The following SBF2 variants were observed in gnomAD, a reference collection of about 807,000 sequenced individuals.
SBF2 encodes myotubularin-related protein 13.
A neutral mutation model predicts 225.2 loss-of-function variants in SBF2; 112 were observed. The observed-to-expected ratio is 0.50, with a 90% CI of 0.43 to 0.58. The LOEUF (loss-of-function observed/expected upper bound fraction) is 0.58. SBF2 is among the 20% of genes least tolerant of loss of function. The probability of loss-of-function intolerance (pLI) is 0.00; values close to 1 mark genes in which losing one functional copy is unlikely to be tolerated. For missense variants in SBF2, 1,996 were observed against 2,206.2 expected (o/e 0.90, Z 1.91); for synonymous variants, 763 against 773.3 (o/e 0.99, Z 0.22).
intron 1 of SBF2, among the ~76,000 whole-genome samples, chr11:10,241,402 T>C (rs998346260): frequency 2.0e-5 from 3 of 152,072 alleles, no homozygotes; most frequent in Non-Finnish European, 4.4e-5. Flanking sequence ...TAAAAATTCA[T>C]CCAAGGAACT....
chr11:9,954,253 A>G (rs1349016739), intron 16 of SBF2, among the ~76,000 whole-genome samples: 1 of 152,230 alleles, frequency 6.6e-6, no homozygotes, highest in African/African-American at 2.4e-5. Context: ...AAAAATTACC[A>G]AAGTTTTTGA....
intron 1 of SBF2, among the ~76,000 whole-genome samples, chr11:10,222,854 C>T (rs142697595): frequency 2.6e-3 from 399 of 152,228 alleles, no homozygotes; most frequent in African/African-American, 8.6e-3. Context: ...GCTTAGCATT[C>T]CAATAATGGA....
intron 8 of SBF2, among the ~76,000 whole-genome samples, chr11:10,000,101 G>C (rs1221719337): frequency 2.0e-5 from 3 of 152,108 alleles, no homozygotes. Flanking sequence ...TCCATAACCA[G>C]GCAGTTCTAA....
intron 16 of SBF2, among the ~76,000 whole-genome samples, chr11:9,925,691 G>A (rs1222510335): frequency 1.3e-5 from 2 of 152,160 alleles, no homozygotes; most frequent in East Asian, 3.8e-4. Flanking sequence ...GTCGAATCTA[G>A]TTCCACATGT....
intron 17 of SBF2, among the ~76,000 whole-genome samples, chr11:9,873,444 A>C (rs989661045): frequency 1.3e-5 from 2 of 152,170 alleles, no homozygotes; most frequent in Non-Finnish European, 1.5e-5. Flanking sequence ...CATGAAAGTA[A>C]GAAGATCCAC....
At position 10,043,179 on chromosome 11, in the gene SBF2, T is replaced by G. The variant is rs571857526; in HGVS notation, c.142-198A>C. 2.7e-4 allele frequency among the ~76,000 whole-genome samples: 41 copies of G among 152,274 alleles called. 1 individual carries two copies. The highest frequency in any genetic ancestry group is 3.4e-3 in the Middle Eastern group (1 of 294). Reference sequence around the variant, plus strand: ...TTCACCAATGTGCATATATATTTCATGAAGATAGCCTCGATTTCCCACAGT... The same window carrying G: ...TTCACCAATGTGCATATATATTTCAGGAAGATAGCCTCGATTTCCCACAGT... On this transcript the variant is annotated intron_variant, in intron 2 of 39. Transcript: ENST00000256190.
chr11:9,873,635 T>C (rs1029670863), intron 17 of SBF2, among the ~76,000 whole-genome samples: 1 of 152,226 alleles, frequency 6.6e-6, no homozygotes, highest in African/African-American at 2.4e-5. Flanking sequence ...GGGATCTGCA[T>C]GAGCAGTGAG....
At chr11:10,239,772 G>A (rs898709153) in intron 1 of SBF2, among the ~76,000 whole-genome samples, 1 of 152,054 alleles carries the variant, frequency 6.6e-6, no homozygotes, top group Non-Finnish European at 1.5e-5. Context: ...TAAACCTAAT[G>A]GTAAATATAG....
intron 2 of SBF2, among the ~76,000 whole-genome samples, chr11:10,185,510 G>A (rs1956901752): frequency 6.6e-6 from 1 of 152,006 alleles, no homozygotes; most frequent in Non-Finnish European, 1.5e-5. Flanking sequence ...TGGAGTTGCA[G>A]TGGTGCAAAT....
chr11:10,183,548 C>T (rs901508531), intron 2 of SBF2, among the ~76,000 whole-genome samples: 20 of 151,172 alleles, frequency 1.3e-4, no homozygotes, highest in African/African-American at 4.6e-4. Context: ...ATAGTGTTAG[C>T]TTTTACATTT....
At chr11:10,135,872 T>C (rs1215403453) in intron 2 of SBF2, among the ~76,000 whole-genome samples, 1 of 152,168 alleles carries the variant, frequency 6.6e-6, no homozygotes, top group Non-Finnish European at 1.5e-5. Context: ...GTTCCAAAGT[T>C]GCTTCCACAT....
rs2134636403 is a variant in SBF2, at chr11:10,031,107, C to T, written c.343G>A (p.Val115Met). Reference sequence around the variant, plus strand: ...AACACCAGGCTTTTGGGAGCAAACACTTCTGCAGGCTGAATTAAACCAGAC... The same window carrying T: ...AACACCAGGCTTTTGGGAGCAAACATTTCTGCAGGCTGAATTAAACCAGAC... ...KVSGLIQPAE[V>M]FAPKSLVLVS... The change falls in exon 4 of 40, where the codon GTG becomes ATG. Residue 115 changes from valine to methionine, a missense_variant. Val to Met is a conservative substitution (Grantham distance 21). Transcript: ENST00000256190. The T allele has an allele frequency of 1.2e-6, 2 of 1,613,634 alleles. No homozygotes were observed. Among genetic ancestry groups the T allele is most frequent in the Middle Eastern group, 1.7e-4 (1 of 6,054 alleles).
chr11:9,996,105 T>C (rs1947688825), intron 9 of SBF2, among the ~76,000 whole-genome samples: 1 of 152,208 alleles, frequency 6.6e-6, no homozygotes, highest in Non-Finnish European at 1.5e-5. Flanking sequence ...GTTGCAGGTT[T>C]AGGTATACGA....
intron 17 of SBF2, among the ~76,000 whole-genome samples, chr11:9,862,754 TTG>T (rs1403461655): frequency 6.6e-6 from 1 of 152,156 alleles, no homozygotes; most frequent in East Asian, 1.9e-4. Context: ...TTTTATTATT[TTG>T]TGTTTATTTT....
chr11:10,097,408 A>G (rs904138786), intron 2 of SBF2, among the ~76,000 whole-genome samples: 3 of 152,260 alleles, frequency 2.0e-5, no homozygotes, highest in Non-Finnish European at 4.4e-5. Flanking sequence ...TTGGTTCTAG[A>G]TTAAACAGGT....
rs540937932 is a variant in SBF2, at chr11:9,839,777, C to G, written c.3257-81G>C. 4 of 1,372,810 alleles carry G rather than the reference C, an allele frequency of 2.9e-6. No homozygotes were observed. In the African/African-American group the frequency reaches 4.3e-5, roughly 15 times the overall value. The allele number at this position is 1,372,810 out of a possible 1,614,324, so 85.0% of individuals were successfully genotyped here. A position where few individuals can be genotyped will look rare whatever the true frequency, so the allele number is the denominator to read the frequency against. ...TTCAGGGTAGTACCTGTGGGGAGCT[C>G]ACTCTCATCTGAAACTGTGATGGTA... On this transcript the variant is annotated intron_variant, in intron 25 of 39. Transcript: ENST00000256190.
intron 17 of SBF2, among the ~76,000 whole-genome samples, chr11:9,868,224 G>A (rs1385209102): frequency 2.6e-5 from 4 of 151,526 alleles, no homozygotes; most frequent in African/African-American, 9.7e-5. Flanking sequence ...TTGGGGCGCA[G>A]TGGCTCACGC....
chr11:9,864,096 A>C (rs1857985027), intron 17 of SBF2, among the ~76,000 whole-genome samples: 1 of 152,238 alleles, frequency 6.6e-6, no homozygotes, highest in Non-Finnish European at 1.5e-5. Flanking sequence ...ATAAGCAATG[A>C]GTATTTAGGA....
At chr11:9,889,926 C>T (rs991111766) in intron 17 of SBF2, among the ~76,000 whole-genome samples, 7 of 151,998 alleles carry the variant, frequency 4.6e-5, no homozygotes, top group South Asian at 2.1e-4. Context: ...ATTTTTGAGA[C>T]GGAGTCTCAC....
Sources: allele counts gnomAD v4.1 joint callset (sites outside exome capture counted in the v4.1 genomes callset), GRCh38; gene constraint gnomAD v4.1.1; transcripts MANE v1.5; gene names NCBI Gene and HGNC (gene_info 2026-07-23, HGNC 2026-07-21).